Variants in LY6K observed in about 807,000 individuals in gnomAD.
The protein encoded by LY6K is lymphocyte antigen 6 family member K.
LY6K carries 9 observed loss-of-function variants against 10.4 expected under a neutral mutation model. That is an observed-to-expected ratio of 0.87 (90% confidence interval 0.52 to 1.52). The LOEUF (loss-of-function observed/expected upper bound fraction) is 1.52. Among genes scored for constraint, LY6K ranks in the 40% most tolerant of loss-of-function variants. The pLI, the probability that LY6K is intolerant of heterozygous loss-of-function variation, is 0.00. For missense variants in LY6K, 217 were observed against 211.7 expected (o/e 1.02, Z -0.15); for synonymous variants, 98 against 83.7 (o/e 1.17, Z -0.94).
intron 2 of LY6K, 35 bp downstream of exon 2, chr8:142,701,748 C>A: frequency 7.1e-7 from 1 of 1,417,022 alleles, no homozygotes; most frequent in Non-Finnish European, 9.9e-7. Flanking sequence ...GACCCAAAGG[C>A]AGGTGAACAG....
Position 142,700,335 on chromosome 8 carries a change from G to A in LY6K, c.-193G>A. 7.6e-7 allele frequency: 1 copy of A among 1,307,358 alleles called. No individual in the cohort carries two copies. The highest frequency in any genetic ancestry group is 2.0e-5 in the South Asian group (1 of 49,774). The allele number at this position is 1,307,358 out of a possible 1,614,324, so 81.0% of individuals were successfully genotyped here. On this transcript the variant is annotated 5_prime_UTR_variant, in exon 1 of 3. Transcript: ENST00000292430. The stretch of plus-strand genomic sequence containing the variant: ...TCAGAACCGGCGTTCAGGGCCGCCA[G>A]CGGCCGCGAGGCCCTGAGATGAGGC...
At chr8:142,702,736 A>AC (rs1357169798) in intron 2 of LY6K, 2 of 1,488,354 alleles carry the variant, frequency 1.3e-6, no homozygotes, top group East Asian at 5.0e-5. Flanking sequence ...CCAGCTCCAC[A>AC]CCCTGGGTGA....
chr8:142,700,688 T>C (rs587665530), intron 1 of LY6K, 58 bp downstream of exon 1: 138 of 1,368,290 alleles, frequency 1.0e-4, no homozygotes, highest in Non-Finnish European at 1.2e-4. Flanking sequence ...GGGCGGCGTC[T>C]GCCTGGCACC....
chr8:142,702,507 T>G, intron 2 of LY6K: 1 of 1,535,726 alleles, frequency 6.5e-7, no homozygotes. Flanking sequence ...CAGGGAGATC[T>G]TCAGGGCTCG....
chr8:142,700,238 C>T lies in LY6K; in HGVS notation c.-290C>T. On this transcript the variant is annotated 5_prime_UTR_variant, in exon 1 of 3. Coordinates refer to ENST00000292430, the MANE Select transcript of LY6K (RefSeq NM_017527.4). The stretch of plus-strand genomic sequence containing the variant: ...GGCTCAGGGGCTGCGTTTCCACACG[C>T]GCCTTTCCCAGGGCTCCCGCGCCCG... The T allele has an allele frequency of 2.2e-6, 2 of 917,672 alleles. No individual in the cohort carries two copies. The highest frequency in any genetic ancestry group is 1.4e-6 in the Non-Finnish European group (1 of 718,186). 56.8% of individuals were successfully genotyped at this position (917,672 alleles called of 1,614,324 possible). A position where few individuals can be genotyped will look rare whatever the true frequency, so the allele number is the denominator to read the frequency against.
Position 142,703,336 on chromosome 8 carries a change from C to A in LY6K, c.463C>A (p.Leu155Met). ...GCTGTGGCTGGCCATCCTCCTGCTGCTGGCCTCCATTGCAGCCGGCCTCAG... is the reference window on the plus strand; with the variant it reads ...GCTGTGGCTGGCCATCCTCCTGCTGATGGCCTCCATTGCAGCCGGCCTCAG... ...GGLWLAILLL[L>M]ASIAAGLSLS The change falls in exon 3 of 3, where the codon CTG (leucine) becomes ATG (methionine). Residue 155 changes from leucine (L) to methionine (M), a missense_variant. Physicochemically the swap from Leu to Met is conservative, Grantham distance 15 (BLOSUM62 2). Coordinates refer to ENST00000292430, the MANE Select transcript of LY6K (RefSeq NM_017527.4). 6.2e-7 allele frequency: 1 copy of A among 1,612,476 alleles called. No individual in the cohort carries two copies. The highest frequency in any genetic ancestry group is 2.2e-5 in the East Asian group (1 of 44,872).
In LY6K at chr8:142,700,471, C is replaced by T. The variant is rs1451344804; in HGVS notation, c.-57C>T. 5 of 1,526,926 alleles carry T rather than the reference C, an allele frequency of 3.3e-6. No individual in the cohort carries two copies. Among genetic ancestry groups the T allele is most frequent in the Admixed American group, 4.2e-5 (2 of 48,050 alleles). 94.6% of individuals were successfully genotyped at this position (1,526,926 alleles called of 1,614,324 possible). On this transcript the variant is annotated 5_prime_UTR_variant, in exon 1 of 3. It introduces an in-frame stop codon into an upstream open reading frame of the 5' UTR. Transcript: ENST00000292430. Reference sequence around the variant, plus strand: ...AGGCGCGCGGAGGCTGCGAAGGTTCCAGAAGGGCGGGGAGGGGGCGCCGCG... The same window carrying T: ...AGGCGCGCGGAGGCTGCGAAGGTTCTAGAAGGGCGGGGAGGGGGCGCCGCG...
intron 2 of LY6K, chr8:142,702,264 T>G (rs1156302116): frequency 1.8e-6 from 1 of 545,026 alleles, no homozygotes; most frequent in African/African-American, 1.9e-5. Flanking sequence ...CATTTTTAAA[T>G]GAAAAATTAA....
At chr8:142,702,776 G>A (rs2129934970) in intron 2 of LY6K, 3 of 1,486,040 alleles carry the variant, frequency 2.0e-6, no homozygotes, top group Non-Finnish European at 2.7e-6. Flanking sequence ...TCATGTGTCT[G>A]TCTGTGGTCA....
intron 1 of LY6K, among the ~76,000 whole-genome samples, chr8:142,701,083 G>A (rs962892055): frequency 3.3e-5 from 5 of 152,138 alleles, no homozygotes; most frequent in African/African-American, 1.2e-4. Context: ...GCAGACCCAA[G>A]CCCCAGGGTC....
Position 142,704,181 on chromosome 8 carries a change from A to G in LY6K, c.*810A>G, listed in dbSNP as rs1815142698. ...AAGTTCACGAAAAAATTGAATTAAA[A>G]GATAAAAATTAAAAAATGTTTTATT... On this transcript the variant is annotated 3_prime_UTR_variant, in exon 3 of 3. Transcript: ENST00000292430. The G allele has an allele frequency of 6.6e-6, 1 of 152,238 alleles. No individual in the cohort carries two copies. Among genetic ancestry groups the G allele is most frequent in the Non-Finnish European group, 1.5e-5 (1 of 68,040 alleles). 9.4% of individuals were successfully genotyped at this position (152,238 alleles called of 1,614,324 possible). A position where few individuals can be genotyped will look rare whatever the true frequency, so the allele number is the denominator to read the frequency against.
In LY6K at chr8:142,703,265, C is replaced by T. The variant is rs782283831; in HGVS notation, c.392C>T (p.Ser131Leu). The T allele has an allele frequency of 6.2e-7, 1 of 1,614,172 alleles. No homozygotes were observed. The highest frequency in any genetic ancestry group is 8.5e-7 in the Non-Finnish European group (1 of 1,180,038). Residue 131 changes from serine (S) to leucine (L), a missense_variant, in exon 3 of 3, where the codon TCA (serine) becomes TTA (leucine). Coordinates refer to ENST00000292430, the MANE Select transcript of LY6K (RefSeq NM_017527.4). ...TTAGAGGGGCCACCTATCAACTCAT[C>T]AGTGTTCAAAGAATATGCTGGGAGC... is the stretch of plus-strand genomic sequence containing the variant. The part of the protein sequence containing the change: ...CNLEGPPINS[S>L]VFKEYAGSMG...
At position 142,704,823 on chromosome 8, in the gene LY6K, C is replaced by T. The variant is rs587682531; in HGVS notation, c.*1452C>T. ...GAAGAAATGCTTCAGGATCTTGATT[C>T]CACTTGTTTAAAATGGCCATAGAAC... On this transcript the variant is annotated 3_prime_UTR_variant, in exon 3 of 3. Coordinates refer to ENST00000292430, the MANE Select transcript of LY6K (RefSeq NM_017527.4). 1 of 152,228 alleles carries T rather than the reference C, an allele frequency of 6.6e-6. No homozygotes were observed. The highest frequency in any genetic ancestry group is 1.9e-4 in the East Asian group (1 of 5,182). 9.4% of individuals were successfully genotyped at this position (152,228 alleles called of 1,614,324 possible). A position where few individuals can be genotyped will look rare whatever the true frequency, so the allele number is the denominator to read the frequency against.
At chr8:142,701,339 C>T (rs1464806810) in intron 1 of LY6K, among the ~76,000 whole-genome samples, 6 of 152,160 alleles carry the variant, frequency 3.9e-5, no homozygotes, top group Non-Finnish European at 5.9e-5. Flanking sequence ...GTCCAGGAAG[C>T]GTGGTGCTGG....
intron 2 of LY6K, 109 bp downstream of exon 2, chr8:142,701,822 CTTT>C (rs34979640): frequency 7.9e-4 from 468 of 595,744 alleles, no homozygotes; most frequent in East Asian, 2.3e-3. Context: ...AGAAAGTAGC[CTTT>C]TTTTTTTTTT....
In LY6K at chr8:142,700,491, G is replaced by GCCGCGCGCTGACCCTCCCTGGGCA; in HGVS notation, c.-32_-9dup. 2 of 1,546,080 alleles carry GCCGCGCGCTGACCCTCCCTGGGCA rather than the reference G, an allele frequency of 1.3e-6. No homozygotes were observed. The highest frequency in any genetic ancestry group is 2.4e-5 in the South Asian group (2 of 83,532). Reference sequence around the variant, plus strand: ...GGTTCCAGAAGGGCGGGGAGGGGGCGCCGCGCGCTGACCCTCCCTGGGCAC... The same window carrying GCCGCGCGCTGACCCTCCCTGGGCA: ...GGTTCCAGAAGGGCGGGGAGGGGGCGCCGCGCGCTGACCCTCCCTGGGCACCGCGCGCTGACCCTCCCTGGGCAC... On this transcript the variant is annotated 5_prime_UTR_variant, in exon 1 of 3. Coordinates refer to ENST00000292430, the MANE Select transcript of LY6K (RefSeq NM_017527.4).
chr8:142,700,151 T>A lies in LY6K; in HGVS notation c.-377T>A. ...AGCCCGTGCTCTTCAGCGGAGAAGA[T>A]CCCCTACCTGGCCGCCGGCCACTTT... On this transcript the variant is annotated 5_prime_UTR_variant, in exon 1 of 3. Coordinates refer to ENST00000292430, the MANE Select transcript of LY6K (RefSeq NM_017527.4). The A allele has an allele frequency of 4.8e-6, 1 of 208,402 alleles. No individual in the cohort carries two copies. Among genetic ancestry groups the A allele is most frequent in the South Asian group, 1.2e-4 (1 of 8,220 alleles). 12.9% of individuals were successfully genotyped at this position (208,402 alleles called of 1,614,324 possible). A position where few individuals can be genotyped will look rare whatever the true frequency, so the allele number is the denominator to read the frequency against.
chr8:142,700,496 G>T lies in LY6K; in HGVS notation c.-32G>T. The T allele has an allele frequency of 6.4e-7, 1 of 1,552,754 alleles. No homozygotes were observed. The highest frequency in any genetic ancestry group is 8.7e-7 in the Non-Finnish European group (1 of 1,152,178). ...CAGAAGGGCGGGGAGGGGGCGCCGC[G>T]CGCTGACCCTCCCTGGGCACCGCTG... On this transcript the variant is annotated 5_prime_UTR_variant, in exon 1 of 3. Transcript: ENST00000292430.
chr8:142,702,596 C>G, intron 2 of LY6K: 1 of 1,535,662 alleles, frequency 6.5e-7, no homozygotes. Flanking sequence ...GGTGATGCTT[C>G]AGACTCAGTG....
Sources: gnomAD v4.1 joint callset for allele counts (sites outside exome capture counted in the v4.1 genomes callset) on GRCh38, gnomAD v4.1.1 for gene constraint, MANE v1.5 for transcripts, NCBI Gene and HGNC (gene_info 2026-07-23, HGNC 2026-07-21) for gene names.